KIF26B: variants seen among roughly 807,000 people sequenced by gnomAD.
KIF26B encodes kinesin-like protein KIF26B.
KIF26B carries 63 observed loss-of-function variants against 151.2 expected under a neutral mutation model. The observed-to-expected ratio is 0.42, with a 90% CI of 0.34 to 0.51. The LOEUF (loss-of-function observed/expected upper bound fraction) is 0.51. Ranked by LOEUF, KIF26B falls within the 20% of genes least tolerant of loss-of-function variation. The pLI, the probability that KIF26B is intolerant of heterozygous loss-of-function variation, is 0.07. For missense variants in KIF26B, 2,813 were observed against 2,913.6 expected, an observed-to-expected ratio of 0.97 and a Z score of 0.79; for synonymous variants, 1,357 against 1,262.1, an observed-to-expected ratio of 1.08 and a Z score of -1.59.
chr1:245,656,527 A>G (rs546601905), intron 10 of KIF26B, among the ~76,000 whole-genome samples: 1 of 152,346 alleles, frequency 6.6e-6, no homozygotes, highest in South Asian at 2.1e-4. Flanking sequence ...ATAACCAGAA[A>G]CAAAACAGCC....
chr1:245,675,274 G>A (rs1402043464), intron 10 of KIF26B, among the ~76,000 whole-genome samples: 1 of 151,768 alleles, frequency 6.6e-6, no homozygotes, highest in Admixed American at 6.6e-5. Flanking sequence ...TCATTACATT[G>A]GCATGATTGA....
chr1:245,532,440 T>C (rs1661393967), intron 4 of KIF26B, among the ~76,000 whole-genome samples: 1 of 151,700 alleles, frequency 6.6e-6, no homozygotes, highest in Non-Finnish European at 1.5e-5. Context: ...AGAGACGGGG[T>C]TTCATCGTGT....
chr1:245,174,584 G>A (rs1410211542), intron 2 of KIF26B, among the ~76,000 whole-genome samples: 1 of 152,192 alleles, frequency 6.6e-6, no homozygotes, highest in Non-Finnish European at 1.5e-5. Flanking sequence ...ATAGCTCGCT[G>A]TAACCTCAAA....
chr1:245,233,835 T>TTA (rs758980711), intron 2 of KIF26B, among the ~76,000 whole-genome samples: 1 of 152,038 alleles, frequency 6.6e-6, no homozygotes, highest in Non-Finnish European at 1.5e-5. Context: ...TAAATACATG[T>TTA]TATTTGTGAA....
At chr1:245,490,739 T>A (rs560114359) in intron 4 of KIF26B, among the ~76,000 whole-genome samples, 1 of 152,354 alleles carries the variant, frequency 6.6e-6, no homozygotes, top group South Asian at 2.1e-4. Context: ...CCATTCATTC[T>A]ACCTTGGATT....
In KIF26B at chr1:245,560,553, G is replaced by A. The variant is rs762880932; in HGVS notation, c.1350+19603G>A. Among the ~76,000 whole-genome samples the A allele has an allele frequency of 3.9e-5, 6 of 152,256 alleles. No homozygotes were observed. The East Asian group carries it at 5.8e-4, about 15-fold the overall frequency. On this transcript the variant is annotated intron_variant, in intron 5 of 14. Transcript: ENST00000407071. This position sits in a 1 kb window ranked among gnomAD's most constrained non-coding sequence, Gnocchi z 4.3. Reference sequence around the variant, plus strand: ...ATTATGTTAGAAAAAAAAGCAAAGCGGGAACTTGGCTTTTGTGTTGCCTTC... The same window carrying A: ...ATTATGTTAGAAAAAAAAGCAAAGCAGGAACTTGGCTTTTGTGTTGCCTTC...
At chr1:245,461,244 A>C (rs1430478597) in intron 4 of KIF26B, among the ~76,000 whole-genome samples, 1 of 152,062 alleles carries the variant, frequency 6.6e-6, no homozygotes, top group Non-Finnish European at 1.5e-5. Flanking sequence ...ACGTGGTAGA[A>C]TCCAGACTGA....
chr1:245,460,849 A>T (rs1659630900), intron 4 of KIF26B, among the ~76,000 whole-genome samples: 1 of 152,256 alleles, frequency 6.6e-6, no homozygotes, highest in South Asian at 2.1e-4. Flanking sequence ...TCAAATCAAC[A>T]GACTTTTCTG....
chr1:245,354,432 G>A (rs1402753880), intron 2 of KIF26B, among the ~76,000 whole-genome samples: 1 of 152,192 alleles, frequency 6.6e-6, no homozygotes, highest in African/African-American at 2.4e-5. Context: ...CAGATCCACG[G>A]TTTCACATGG....
In KIF26B at chr1:245,698,415, C is replaced by T; in HGVS notation, c.6027+107C>T. On this transcript the variant is annotated intron_variant, in intron 13 of 14. Coordinates refer to ENST00000407071, the MANE Select transcript of KIF26B (RefSeq NM_018012.4). The surrounding 1 kb of genome is among the most constrained non-coding windows in gnomAD (Gnocchi z 4.0). ...GGGAAGAAAACTCAGACCCGGGCTT[C>T]CCAGCGGGCTTCTGGCATGGGTGGT... is the stretch of plus-strand genomic sequence containing the variant. 1 of 1,035,262 alleles carries T rather than the reference C, an allele frequency of 9.7e-7. No homozygotes were observed. The highest frequency in any genetic ancestry group is 1.4e-6 in the Non-Finnish European group (1 of 715,434). The allele number at this position is 1,035,262 out of a possible 1,614,324, so 64.1% of individuals were successfully genotyped here.
intron 5 of KIF26B, among the ~76,000 whole-genome samples, chr1:245,590,329 A>C (rs1327363388): frequency 6.6e-6 from 1 of 152,204 alleles, no homozygotes; most frequent in East Asian, 1.9e-4. Flanking sequence ...GGGGACGGCC[A>C]ACGCGGAAAT....
At chr1:245,465,322 T>C (rs987827936) in intron 4 of KIF26B, among the ~76,000 whole-genome samples, 2 of 152,086 alleles carry the variant, frequency 1.3e-5, no homozygotes, top group African/African-American at 4.8e-5. Flanking sequence ...GTGGGGACTG[T>C]TCCCGCTGCA....
chr1:245,446,029 C>G (rs1451437997), intron 4 of KIF26B, among the ~76,000 whole-genome samples: 3 of 152,322 alleles, frequency 2.0e-5, no homozygotes, highest in East Asian at 3.9e-4. Context: ...CATACACGTT[C>G]TGAGAGAGGC....
intron 4 of KIF26B, among the ~76,000 whole-genome samples, chr1:245,514,625 T>C (rs1660909904): frequency 1.3e-5 from 2 of 152,194 alleles, no homozygotes; most frequent in Admixed American, 1.3e-4. Context: ...GAGAATGACC[T>C]GTGAAAAATG....
intron 2 of KIF26B, among the ~76,000 whole-genome samples, chr1:245,340,084 G>T (rs773891590): frequency 4.6e-5 from 7 of 152,164 alleles, no homozygotes; most frequent in Non-Finnish European, 8.8e-5. Flanking sequence ...GAAAGCATAA[G>T]AAAAATGACA....
At chr1:245,169,590 A>G (rs1668675316) in intron 2 of KIF26B, among the ~76,000 whole-genome samples, 1 of 86,858 alleles carries the variant, frequency 1.2e-5, no homozygotes, top group Non-Finnish European at 2.6e-5. Flanking sequence ...TCCTCCCATG[A>G]TGGCTTTACA....
At chr1:245,521,488 C>G (rs1661109771) in intron 4 of KIF26B, among the ~76,000 whole-genome samples, 1 of 152,130 alleles carries the variant, frequency 6.6e-6, no homozygotes, top group African/African-American at 2.4e-5. Context: ...CAGATATATT[C>G]CAAACCATAG....
chr1:245,499,323 C>T (rs1184969984), intron 4 of KIF26B, among the ~76,000 whole-genome samples: 2 of 151,794 alleles, frequency 1.3e-5, no homozygotes, highest in African/African-American at 4.8e-5. Flanking sequence ...TAGGTTAATC[C>T]AACATAATGA....
chr1:245,497,700 T>C (rs901746349), intron 4 of KIF26B, among the ~76,000 whole-genome samples: 8 of 152,246 alleles, frequency 5.3e-5, no homozygotes, highest in Non-Finnish European at 1.2e-4. Flanking sequence ...TGTAAATTAA[T>C]AACTAACCCA....
Sources: gnomAD v4.1 joint callset for allele counts (sites outside exome capture counted in the v4.1 genomes callset) on GRCh38, gnomAD v4.1.1 for gene constraint, Gnocchi (gnomAD v3.1) non-coding constraint, MANE v1.5 for transcripts, NCBI Gene and HGNC (gene_info 2026-07-23, HGNC 2026-07-21) for gene names.